PHF24: variants seen among roughly 807,000 people sequenced by gnomAD.
The protein encoded by PHF24 is PHD finger protein 24.
In PHF24, 25 loss-of-function variants were observed where a neutral mutation model predicts 42.6. The observed-to-expected ratio is 0.59, with a 90% CI of 0.43 to 0.82. The LOEUF is 0.82. PHF24 is among the 40% of genes least tolerant of loss of function. PHF24 has a pLI of 0.00. For missense variants in PHF24, 470 were observed against 538.1 expected, an observed-to-expected ratio of 0.87 and a Z score of 1.25; for synonymous variants, 185 against 204.8, an observed-to-expected ratio of 0.90 and a Z score of 0.83.
At chr9:34,811,580 A>G in the PHF24 span, among the ~76,000 whole-genome samples, 1 of 152,342 alleles carries the variant, frequency 6.6e-6, no homozygotes, top group African/African-American at 2.4e-5. Flanking sequence ...CCAGAGATGT[A>G]AGATATAAAT....
chr9:34,881,724 C>T, the PHF24 span, among the ~76,000 whole-genome samples: 8 of 152,146 alleles, frequency 5.3e-5, no homozygotes, highest in East Asian at 1.5e-3. Flanking sequence ...AATTAATAGC[C>T]TACCAACCAA....
chr9:34,858,622 A>T, the PHF24 span, among the ~76,000 whole-genome samples: 1 of 152,224 alleles, frequency 6.6e-6, no homozygotes, highest in Non-Finnish European at 1.5e-5. Context: ...GCCTGAGCCC[A>T]AGGGTGCTGA....
At chr9:34,759,187 A>C in the PHF24 span, among the ~76,000 whole-genome samples, 171 of 152,204 alleles carry the variant, frequency 1.1e-3, no homozygotes, top group East Asian at 2.9e-3. Flanking sequence ...TTAGAACCTT[A>C]AAGGACTCCA....
chr9:34,760,991 CAA>C, the PHF24 span, among the ~76,000 whole-genome samples: 7 of 139,012 alleles, frequency 5.0e-5, no homozygotes, highest in African/African-American at 5.5e-5. Context: ...AACTCCGTGT[CAA>C]AAAAAAAAAA....
the PHF24 span, among the ~76,000 whole-genome samples, chr9:34,933,106 T>C: frequency 2.6e-5 from 4 of 151,708 alleles, no homozygotes; most frequent in East Asian, 7.8e-4. Context: ...ACTACATGCA[T>C]GCCACCACGC....
chr9:34,781,829 A>T, the PHF24 span, among the ~76,000 whole-genome samples: 1 of 152,080 alleles, frequency 6.6e-6, no homozygotes, highest in Non-Finnish European at 1.5e-5. Flanking sequence ...AGTGAATTCC[A>T]CTCTTGCAAT....
the PHF24 span, among the ~76,000 whole-genome samples, chr9:34,719,252 T>G: frequency 1.3e-5 from 2 of 152,182 alleles, no homozygotes; most frequent in African/African-American, 4.8e-5. Context: ...TTGGCCAGAT[T>G]GGTCTTGAAC....
the PHF24 span, chr9:34,709,952 C>A: frequency 1.9e-6 from 3 of 1,614,106 alleles, no homozygotes; most frequent in Non-Finnish European, 2.5e-6. Flanking sequence ...CCTATCCAGG[C>A]CTCTTGATCC....
At chr9:34,914,071 G>C in the PHF24 span, among the ~76,000 whole-genome samples, 5 of 152,138 alleles carry the variant, frequency 3.3e-5, no homozygotes, top group African/African-American at 7.2e-5. Context: ...TCCTTTCTCA[G>C]GTCTCCTAAA....
At chr9:34,962,465 C>T (rs1826627279) in intron 1 of PHF24, among the ~76,000 whole-genome samples, 1 of 151,918 alleles carries the variant, frequency 6.6e-6, no homozygotes, top group African/African-American at 2.4e-5. Context: ...CCTGCACACG[C>T]ACATACTCAC....
At chr9:34,976,306 G>A (rs1250348567) in intron 4 of PHF24, 76 bp downstream of exon 4, 5 of 1,296,534 alleles carry the variant, frequency 3.9e-6, no homozygotes, top group Non-Finnish European at 5.6e-6. Flanking sequence ...AATGAACCAT[G>A]AAAGGAGTGT....
At chr9:34,722,463 A>G in the PHF24 span, among the ~76,000 whole-genome samples, 1 of 152,168 alleles carries the variant, frequency 6.6e-6, no homozygotes, top group Admixed American at 6.5e-5. Context: ...TTTGAGATGA[A>G]TATTGGACTT....
chr9:34,909,002 C>A, the PHF24 span, among the ~76,000 whole-genome samples: 2 of 151,800 alleles, frequency 1.3e-5, no homozygotes, highest in African/African-American at 4.8e-5. Context: ...GTGCCTGCCA[C>A]CATGCCCGGC....
chr9:34,777,943 G>T, the PHF24 span, among the ~76,000 whole-genome samples: 3 of 152,226 alleles, frequency 2.0e-5, no homozygotes, highest in Non-Finnish European at 2.9e-5. Context: ...GGCTAGGATT[G>T]CAGAAGTCTG....
At chr9:34,955,941 A>G (rs1429573320), upstream of PHF24, among the ~76,000 whole-genome samples, 1 of 152,230 alleles carries the variant, frequency 6.6e-6, no homozygotes, top group Non-Finnish European at 1.5e-5. Context: ...ACTGCATGTA[A>G]TTAAAAAATG....
chr9:34,823,612 C>A, the PHF24 span, among the ~76,000 whole-genome samples: 27 of 152,148 alleles, frequency 1.8e-4, no homozygotes, highest in African/African-American at 6.3e-4. Flanking sequence ...CCTGCTTGGT[C>A]CTGTGGCTTA....
chr9:34,696,823 G>A, the PHF24 span, among the ~76,000 whole-genome samples: 10 of 152,100 alleles, frequency 6.6e-5, no homozygotes, highest in Non-Finnish European at 1.0e-4. Flanking sequence ...CTTCCCTTCC[G>A]TTAGATAATA....
chr9:34,680,716 A>ATAAT, the PHF24 span, among the ~76,000 whole-genome samples: 68,233 of 140,904 alleles, frequency 0.48, 16,985 homozygotes, highest in East Asian at 0.79. Flanking sequence ...ATAAAAAAAA[A>ATAAT]AATAAAATAA....
chr9:34,697,741 C>T, the PHF24 span, among the ~76,000 whole-genome samples: 3 of 152,178 alleles, frequency 2.0e-5, no homozygotes, highest in African/African-American at 4.8e-5. Flanking sequence ...CTATTTTGTA[C>T]ACCTCCGAAG....
Sources: gnomAD v4.1 joint callset for allele counts (sites outside exome capture counted in the v4.1 genomes callset) on GRCh38, gnomAD v4.1.1 for gene constraint, MANE v1.5 for transcripts, NCBI Gene and HGNC (gene_info 2026-07-23, HGNC 2026-07-21) for gene names.